Variants in GRIP1 observed in about 807,000 individuals in gnomAD.
GRIP1 encodes the protein glutamate receptor-interacting protein 1.
Under a neutral mutation model 129.9 loss-of-function variants are expected in GRIP1, and 45 were observed. That is an observed-to-expected ratio of 0.35 (90% CI 0.27 to 0.44). GRIP1 has a LOEUF of 0.44. GRIP1 is among the 20% of genes least tolerant of loss of function. The probability of loss-of-function intolerance (pLI) is 1.00; values close to 1 mark genes in which losing one functional copy is unlikely to be tolerated. For missense variants in GRIP1, 1,196 were observed against 1,396.8 expected (o/e 0.86, Z 2.29); for synonymous variants, 530 against 520.8 (o/e 1.02, Z -0.24).
intron 1 of GRIP1, among the ~76,000 whole-genome samples, chr12:66,751,785 C>T (rs143936012): frequency 1.3e-5 from 2 of 152,180 alleles, no homozygotes; most frequent in African/African-American, 4.8e-5. Context: ...TCAAATTTAT[C>T]TCGCTTATAA....
chr12:66,728,592 T>C (rs2036329119), intron 1 of GRIP1, among the ~76,000 whole-genome samples: 1 of 152,166 alleles, frequency 6.6e-6, no homozygotes, highest in Non-Finnish European at 1.5e-5. Context: ...GGTTCACAGG[T>C]ACTTTTAAAC....
intron 1 of GRIP1, among the ~76,000 whole-genome samples, chr12:66,698,284 T>C (rs987609597): frequency 4.6e-5 from 7 of 152,226 alleles, no homozygotes; most frequent in Non-Finnish European, 1.0e-4. Flanking sequence ...AAGATCACAA[T>C]TAATTGTACT....
intron 1 of GRIP1, among the ~76,000 whole-genome samples, chr12:66,935,811 T>C (rs547665143): frequency 1.2e-4 from 18 of 152,334 alleles, no homozygotes; most frequent in African/African-American, 4.3e-4. Flanking sequence ...ACAGTTTAAA[T>C]ATTCAGCAGT....
At chr12:66,959,986 G>A (rs2041899555) in intron 1 of GRIP1, among the ~76,000 whole-genome samples, 1 of 152,080 alleles carries the variant, frequency 6.6e-6, no homozygotes, top group Non-Finnish European at 1.5e-5. Context: ...AGGGTGATTG[G>A]GAGGAGGTAA....
intron 1 of GRIP1, among the ~76,000 whole-genome samples, chr12:67,020,851 G>T (rs1045979581): frequency 1.3e-5 from 2 of 151,998 alleles, no homozygotes; most frequent in African/African-American, 4.8e-5. Flanking sequence ...TATAATCCCA[G>T]TACTTTGGGA....
intron 2 of GRIP1, among the ~76,000 whole-genome samples, chr12:66,584,869 G>C (rs1401230780): frequency 6.6e-6 from 1 of 151,616 alleles, no homozygotes; most frequent in Non-Finnish European, 1.5e-5. Flanking sequence ...CATACTCTCT[G>C]TGGATGACCT....
intron 1 of GRIP1, among the ~76,000 whole-genome samples, chr12:67,007,563 G>T (rs1039142814): frequency 1.1e-4 from 17 of 152,120 alleles, no homozygotes; most frequent in Admixed American, 1.0e-3. Context: ...TCGGTGTTGA[G>T]ACTTTCACAT....
chr12:66,653,521 A>G (rs1190612018), intron 1 of GRIP1, among the ~76,000 whole-genome samples: 1 of 152,228 alleles, frequency 6.6e-6, no homozygotes, highest in African/African-American at 2.4e-5. Context: ...AAGCTTTAGC[A>G]CAGTATTGCC....
chr12:66,680,776 C>T (rs111679473), upstream of GRIP1, among the ~76,000 whole-genome samples: 734 of 152,210 alleles, frequency 4.8e-3, 6 homozygotes, highest in African/African-American at 0.017. Context: ...ACTCAGAATA[C>T]GCAGCTGTCA....
upstream of GRIP1, among the ~76,000 whole-genome samples, chr12:66,807,745 G>T (rs2039023203): frequency 1.3e-5 from 2 of 151,940 alleles, no homozygotes; most frequent in South Asian, 2.1e-4. Context: ...CTTTCACCAT[G>T]ACTGGAAGCT....
upstream of GRIP1, among the ~76,000 whole-genome samples, chr12:66,808,096 CTT>C (rs1204799507): frequency 1.3e-5 from 2 of 151,888 alleles, no homozygotes; most frequent in Admixed American, 6.6e-5. Context: ...GTGTACCACT[CTT>C]TGCGTAGAGA....
At chr12:66,531,956 T>C (rs1378944762) in intron 4 of GRIP1, among the ~76,000 whole-genome samples, 4 of 152,222 alleles carry the variant, frequency 2.6e-5, no homozygotes, top group Non-Finnish European at 4.4e-5. Context: ...TGAATTCTAA[T>C]TCTGGGCCAC....
chr12:66,811,617 TCTGA>T (rs767633220), intron 1 of GRIP1, among the ~76,000 whole-genome samples: 1 of 152,186 alleles, frequency 6.6e-6, no homozygotes, highest in Non-Finnish European at 1.5e-5. Flanking sequence ...TCTCTCTCTC[TCTGA>T]CTCTCTCCTC....
rs148742031 is a variant in GRIP1, at chr12:66,852,162, C to A, written c.58+216888G>T. Among the ~76,000 whole-genome samples the A allele has an allele frequency of 8.1e-3, 1,235 of 152,158 alleles. 5 individuals are homozygous for A. Among genetic ancestry groups the A allele is most frequent in the Middle Eastern group, 0.017 (5 of 294 alleles). ...ATGTCTATAAAAATACAAATTCATTCTTCCATTTCTGGAAATCTTTTTGTA... is the reference window on the plus strand; with the variant it reads ...ATGTCTATAAAAATACAAATTCATTATTCCATTTCTGGAAATCTTTTTGTA... On this transcript the variant is annotated intron_variant, in intron 1 of 1. Transcript: ENST00000643019.
intron 1 of GRIP1, among the ~76,000 whole-genome samples, chr12:66,715,324 G>A (rs1389527915): frequency 1.3e-5 from 2 of 151,966 alleles, no homozygotes; most frequent in Non-Finnish European, 2.9e-5. Context: ...CCCAGACAGT[G>A]CTCATGCTGC....
intron 1 of GRIP1, among the ~76,000 whole-genome samples, chr12:66,621,760 C>T (rs905223259): frequency 5.3e-5 from 8 of 152,060 alleles, no homozygotes; most frequent in South Asian, 2.1e-4. Flanking sequence ...CTAATACTTG[C>T]TATTTTCTGT....
intron 16 of GRIP1, 119 bp downstream of exon 16, chr12:66,406,164 G>A: frequency 1.0e-6 from 1 of 957,718 alleles, no homozygotes; most frequent in Non-Finnish European, 1.6e-6. Flanking sequence ...TCTTTTAGCT[G>A]TGAAACACTG....
rs1180801196 is a variant in GRIP1, at chr12:66,785,339, CATACATAT to C, written c.-420+18706_-420+18713del. Among the ~76,000 whole-genome samples the C allele has an allele frequency of 3.1e-3, 114 of 36,486 alleles. 3 individuals are homozygous for C. The highest frequency in any genetic ancestry group is 3.7e-3 in the Non-Finnish European group (60 of 16,360). 23.9% of individuals were successfully genotyped at this position (36,486 alleles called of 152,430 possible). On this transcript the variant is annotated intron_variant, in intron 1 of 4. Transcript: ENST00000538373. ...ACATACATACATACATACATACATACATACATATATATATATATATATATTAGTTGGGC... is the reference window on the plus strand; with the variant it reads ...ACATACATACATACATACATACATACATATATATATATATATTAGTTGGGC...
At chr12:66,482,209 AG>A (rs1273215537) in intron 7 of GRIP1, among the ~76,000 whole-genome samples, 2 of 152,200 alleles carry the variant, frequency 1.3e-5, no homozygotes, top group Admixed American at 1.3e-4. Context: ...CCTGTCCATA[AG>A]GGCTATAGAA....
Sources: allele counts gnomAD v4.1 joint callset (sites outside exome capture counted in the v4.1 genomes callset), GRCh38; gene constraint gnomAD v4.1.1; transcripts MANE v1.5; gene names NCBI Gene and HGNC (gene_info 2026-07-23, HGNC 2026-07-21).